CLRN2: variants seen among roughly 807,000 people sequenced by gnomAD.
CLRN2 encodes clarin-2.
CLRN2 carries 17 observed loss-of-function variants against 20.1 expected under a neutral mutation model. The observed-to-expected ratio is 0.85, with a 90% CI of 0.58 to 1.27. The LOEUF (loss-of-function observed/expected upper bound fraction) is 1.27. Ranked by LOEUF, CLRN2 falls within the 50% of genes most tolerant of loss-of-function variation. The pLI is 0.00. For synonymous variants in CLRN2, 140 were observed against 126.9 expected (o/e 1.10, Z -0.70); for missense variants, 288 against 299.5 (o/e 0.96, Z 0.28).
At chr4:17,526,205 T>C (rs1019569409) in intron 2 of CLRN2, among the ~76,000 whole-genome samples, 2 of 152,236 alleles carry the variant, frequency 1.3e-5, no homozygotes, top group African/African-American at 4.8e-5. Flanking sequence ...TAGGATATTT[T>C]AGACAATGAA....
rs1257631179 is a variant in CLRN2 at position 17,526,848 on chromosome 4, C to T, written c.465C>T (p.Phe155=). 10 of 1,613,902 alleles carry T rather than the reference C, an allele frequency of 6.2e-6. No individual in the cohort carries two copies. The highest frequency in any genetic ancestry group is 7.6e-6 in the Non-Finnish European group (9 of 1,179,900). Residue 155 remains phenylalanine, a synonymous_variant, in exon 3 of 3, where the codon TTC becomes TTT. Coordinates refer to ENST00000511148, the MANE Select transcript of CLRN2 (RefSeq NM_001079827.2). ...TCGTGGCGTTAGCCATCGCCAGCTT[C>T]GTGGCTGCGGTGAAATTTCACGACC... is the stretch of plus-strand genomic sequence containing the variant. ...GGVVALAIAS[F]VAAVKFHDLT...
At chr4:17,517,546 G>A (rs893791703) in intron 1 of CLRN2, among the ~76,000 whole-genome samples, 1 of 152,178 alleles carries the variant, frequency 6.6e-6, no homozygotes, top group Non-Finnish European at 1.5e-5. Flanking sequence ...GTAGGAAGCT[G>A]CAAACAAATG....
chr4:17,526,227 G>A (rs1230435317), intron 2 of CLRN2, among the ~76,000 whole-genome samples: 2 of 152,162 alleles, frequency 1.3e-5, no homozygotes, highest in African/African-American at 2.4e-5. Flanking sequence ...TTCTCCAAAC[G>A]TGGATCCTTA....
chr4:17,517,158 T>C (rs1002123484), intron 1 of CLRN2, among the ~76,000 whole-genome samples: 1 of 152,236 alleles, frequency 6.6e-6, no homozygotes, highest in African/African-American at 2.4e-5. Flanking sequence ...GACAAAAGTC[T>C]GTCCAGCTGT....
In CLRN2 at chr4:17,525,939, A is replaced by T. The variant is rs556375994; in HGVS notation, c.434-878A>T. On this transcript the variant is annotated intron_variant, in intron 2 of 2. Coordinates refer to ENST00000511148, the MANE Select transcript of CLRN2 (RefSeq NM_001079827.2). Reference sequence around the variant, plus strand: ...TAAGAAGCATCATAAATGTGTTATTAAAAATATTAATTAAAATTGAAACCA... The same window carrying T: ...TAAGAAGCATCATAAATGTGTTATTTAAAATATTAATTAAAATTGAAACCA... Among the ~76,000 whole-genome samples, 5 of 129,856 alleles carry T rather than the reference A, an allele frequency of 3.9e-5. No homozygotes were observed. In the South Asian group the frequency reaches 1.2e-3, roughly 32 times the overall value. 85.2% of individuals were successfully genotyped at this position (129,856 alleles called of 152,430 possible). A position where few individuals can be genotyped will look rare whatever the true frequency, so the allele number is the denominator to read the frequency against.
chr4:17,517,018 A>G (rs1711696597), intron 1 of CLRN2, among the ~76,000 whole-genome samples: 1 of 152,226 alleles, frequency 6.6e-6, no homozygotes, highest in Non-Finnish European at 1.5e-5. Context: ...CTTAGGGGAA[A>G]GAGAGATGGG....
At chr4:17,523,645 G>C (rs970457482) in intron 2 of CLRN2, among the ~76,000 whole-genome samples, 5 of 151,648 alleles carry the variant, frequency 3.3e-5, no homozygotes, top group African/African-American at 1.2e-4. Context: ...CCCTGAGATG[G>C]GAAAGAGATG....
intron 2 of CLRN2, among the ~76,000 whole-genome samples, chr4:17,525,254 A>G (rs1341129704): frequency 2.6e-5 from 4 of 152,232 alleles, no homozygotes; most frequent in Non-Finnish European, 4.4e-5. Context: ...CCTTATTTCT[A>G]TAATTTAGTA....
chr4:17,523,391 T>A (rs1711883283), intron 2 of CLRN2, among the ~76,000 whole-genome samples: 1 of 151,868 alleles, frequency 6.6e-6, no homozygotes, highest in Non-Finnish European at 1.5e-5. Context: ...ATTTTTTGTA[T>A]TTTTTATAGA....
chr4:17,518,335 G>T (rs1711744734), intron 1 of CLRN2, among the ~76,000 whole-genome samples: 2 of 152,192 alleles, frequency 1.3e-5, no homozygotes, highest in Non-Finnish European at 2.9e-5. Flanking sequence ...GGCTGTTTGG[G>T]TGGCTAGAGA....
At chr4:17,524,347 G>C (rs1044872529) in intron 2 of CLRN2, among the ~76,000 whole-genome samples, 1 of 151,772 alleles carries the variant, frequency 6.6e-6, no homozygotes, top group Non-Finnish European at 1.5e-5. Flanking sequence ...TGAAATGAGG[G>C]CTGTCACAGA....
chr4:17,517,911 T>G (rs1274764720), intron 1 of CLRN2, among the ~76,000 whole-genome samples: 2 of 152,126 alleles, frequency 1.3e-5, no homozygotes, highest in African/African-American at 4.8e-5. Flanking sequence ...TCAGGGACAC[T>G]GATAGTGCCA....
chr4:17,526,133 C>T (rs903417914), intron 2 of CLRN2, among the ~76,000 whole-genome samples: 1 of 152,176 alleles, frequency 6.6e-6, no homozygotes, highest in Non-Finnish European at 1.5e-5. Context: ...GATAATTAAA[C>T]AGGAGAGCAA....
intron 1 of CLRN2, among the ~76,000 whole-genome samples, chr4:17,517,503 A>G (rs990696698): frequency 1.3e-5 from 2 of 152,226 alleles, no homozygotes; most frequent in East Asian, 3.9e-4. Flanking sequence ...GACCCCTGCC[A>G]TTCCCAGCTC....
At chr4:17,523,772 G>A (rs991095538) in intron 2 of CLRN2, among the ~76,000 whole-genome samples, 2 of 147,168 alleles carry the variant, frequency 1.4e-5, no homozygotes, top group African/African-American at 5.1e-5. Flanking sequence ...GTTGAGAAGG[G>A]GAAGTGAGTG....
At chr4:17,525,340 A>G (rs1280411680) in intron 2 of CLRN2, among the ~76,000 whole-genome samples, 1 of 152,200 alleles carries the variant, frequency 6.6e-6, no homozygotes, top group Non-Finnish European at 1.5e-5. Context: ...GCACTCATTT[A>G]TAGTCATGCT....
intron 2 of CLRN2, among the ~76,000 whole-genome samples, chr4:17,526,481 A>G (rs1049867236): frequency 6.6e-6 from 1 of 152,012 alleles, no homozygotes; most frequent in Non-Finnish European, 1.5e-5. Context: ...AATGGCTTGA[A>G]CCCGAGAGGC....
Position 17,526,873 on chromosome 4 carries a change from CT to C in CLRN2, c.491del (p.Leu164ArgfsTer?). 2 of 1,613,986 alleles carry C rather than the reference CT, an allele frequency of 1.2e-6. No individual in the cohort carries two copies. Among genetic ancestry groups the C allele is most frequent in the South Asian group, 2.2e-5 (2 of 91,084 alleles). On this transcript the variant is annotated frameshift_variant, in exon 3 of 3. Coordinates refer to ENST00000511148, the MANE Select transcript of CLRN2 (RefSeq NM_001079827.2). LOFTEE classifies it high-confidence loss of function. ...CGTGGCTGCGGTGAAATTTCACGAC[CT>C]GACGGAACGAATCGCCAACTTTCAG... ...SFVAAVKFHD[L>X]TERIANFQEK... is the part of the protein sequence containing the mutation.
chr4:17,517,672 G>T (rs1711714384), intron 1 of CLRN2, among the ~76,000 whole-genome samples: 1 of 152,162 alleles, frequency 6.6e-6, no homozygotes, highest in Non-Finnish European at 1.5e-5. Context: ...ACGTGGTCTG[G>T]TCTGGAAAGC....
Sources: gnomAD v4.1 joint callset for allele counts (sites outside exome capture counted in the v4.1 genomes callset) on GRCh38, gnomAD v4.1.1 for gene constraint, MANE v1.5 for transcripts, NCBI Gene and HGNC (gene_info 2026-07-23, HGNC 2026-07-21) for gene names.